PCNX4: variants seen among roughly 807,000 people sequenced by gnomAD.
The protein encoded by PCNX4 is pecanex-like protein 4.
Under a neutral mutation model 107.2 loss-of-function variants are expected in PCNX4, and 103 were observed. That is an observed-to-expected ratio of 0.96 (90% CI 0.82 to 1.13). The LOEUF is 1.13. Ranked by LOEUF, PCNX4 falls within the 50% of genes most tolerant of loss-of-function variation. PCNX4 has a pLI of 0.00. For missense variants in PCNX4, 1,528 were observed against 1,379.4 expected, an observed-to-expected ratio of 1.11 and a Z score of -1.71; for synonymous variants, 541 against 481.7, an observed-to-expected ratio of 1.12 and a Z score of -1.61.
rs745328975 is a variant in PCNX4, at chr14:60,134,217, A to G, written c.3515A>G (p.Tyr1172Cys). 21 of 1,612,658 alleles carry G rather than the reference A, an allele frequency of 1.3e-5. No homozygotes were observed. In the Admixed American group the frequency reaches 2.2e-4, roughly 17 times the overall value. ...TCAAAACCTCTCCACATACATTTGT[A>G]TTAGAGCTCATTTTGACTGTAATGT... ...YSSKPLHIHL[Y>C] Residue 1172 changes from tyrosine to cysteine, a missense_variant, in exon 11 of 11, where the codon TAT (tyrosine) becomes TGT (cysteine). Transcript: ENST00000406854.
In PCNX4 at chr14:60,114,694, A is replaced by G. The variant is rs527451069; in HGVS notation, c.690-6A>G. The G allele has an allele frequency of 1.3e-6, 2 of 1,587,772 alleles. No individual in the cohort carries two copies. The highest frequency in any genetic ancestry group is 3.6e-5 in the Admixed American group (2 of 56,022). ...TGTGATTTAAATGTTCTTTTTTTTT[A>G]TATAGGTTTGTGGTAAATATGCCAG... On this transcript the variant is annotated splice_polypyrimidine_tract_variant and splice_region_variant and intron_variant, in intron 2 of 10. Transcript: ENST00000406854.
At chr14:60,119,110 A>G (rs1895907133) in intron 7 of PCNX4, among the ~76,000 whole-genome samples, 1 of 152,194 alleles carries the variant, frequency 6.6e-6, no homozygotes, top group Admixed American at 6.5e-5. Context: ...CTTGAGGAGC[A>G]GATGGAGTTT....
rs973882744 is a variant in PCNX4, at chr14:60,139,020, A to T, written c.*4799A>T. 1 of 152,130 alleles carries T rather than the reference A, an allele frequency of 6.6e-6. No homozygotes were observed. The highest frequency in any genetic ancestry group is 2.4e-5 in the African/African-American group (1 of 41,454). The allele number at this position is 152,130 out of a possible 1,614,324, so 9.4% of individuals were successfully genotyped here. On this transcript the variant is annotated 3_prime_UTR_variant, in exon 11 of 11. Coordinates refer to ENST00000406854, the MANE Select transcript of PCNX4 (RefSeq NM_001330177.2). ...AAATAAAACAATCGTAGAACTACAA[A>T]GCTAATACAGGGCTAAAGTGGAATA...
intron 1 of PCNX4, among the ~76,000 whole-genome samples, chr14:60,098,813 C>T (rs1388677254): frequency 3.3e-5 from 5 of 151,970 alleles, no homozygotes; most frequent in African/African-American, 4.8e-5. Context: ...TGGTGCATGC[C>T]TGTAATCCCA....
At chr14:60,113,379 C>T (rs985269110) in intron 2 of PCNX4, among the ~76,000 whole-genome samples, 7 of 151,998 alleles carry the variant, frequency 4.6e-5, no homozygotes, top group African/African-American at 1.2e-4. Context: ...ACTACTACTA[C>T]TATTTTGAAA....
chr14:60,121,093 C>G (rs1371391416), intron 7 of PCNX4, 103 bp from the exon 8 acceptor site: 2 of 1,365,348 alleles, frequency 1.5e-6, no homozygotes, highest in Non-Finnish European at 9.7e-7. Context: ...AGTCGTGAAT[C>G]AGTTCTAGAT....
At chr14:60,108,520 T>TA in intron 2 of PCNX4, 193 bp downstream of exon 2, 1 of 442,022 alleles carries the variant, frequency 2.3e-6, no homozygotes, top group Non-Finnish European at 4.0e-6. Flanking sequence ...AGTTAAAACT[T>TA]ATTAAAGAGT....
intron 2 of PCNX4, among the ~76,000 whole-genome samples, chr14:60,112,909 C>A (rs542762219): frequency 6.6e-6 from 1 of 152,184 alleles, no homozygotes; most frequent in Non-Finnish European, 1.5e-5. Flanking sequence ...TTGGTCCAGG[C>A]GCGGTGGCTC....
At position 60,115,111 on chromosome 14, in the gene PCNX4, T is replaced by C. The variant is rs199803338; in HGVS notation, c.1007T>C (p.Ile336Thr). 2.6e-4 allele frequency: 426 copies of C among 1,613,832 alleles called. 1 individual carries two copies. Among genetic ancestry groups the C allele is most frequent in the Middle Eastern group, 3.3e-4 (2 of 6,082 alleles). Residue 336 changes from isoleucine (I) to threonine (T), a missense_variant, in exon 4 of 11, where the codon ATT becomes ACT. Coordinates refer to ENST00000406854, the MANE Select transcript of PCNX4 (RefSeq NM_001330177.2). ...AACTTAAGTGATATGGGTCACAAAATTGGAACCAAATCTAAGGATTTACCC... is the reference window on the plus strand; with the variant it reads ...AACTTAAGTGATATGGGTCACAAAACTGGAACCAAATCTAAGGATTTACCC... The part of the protein sequence containing the change: ...SLNLSDMGHK[I>T]GTKSKDLPSG...
Position 60,115,095 on chromosome 14 carries a change from G to A in PCNX4, c.991G>A (p.Asp331Asn), listed in dbSNP as rs1008314973. The change falls in exon 4 of 11, where the codon GAT becomes AAT. Residue 331 changes from aspartate (D) to asparagine (N), a missense_variant. Asp to Asn is a conservative substitution (Grantham distance 23). Coordinates refer to ENST00000406854, the MANE Select transcript of PCNX4 (RefSeq NM_001330177.2). ...FGFLLSLNLSDMGHKIGTKSK... is the reference protein window; with the variant it reads ...FGFLLSLNLSNMGHKIGTKSK... ...TTTCTTGCTGAGTCTGAACTTAAGTGATATGGGTCACAAAATTGGAACCAA... is the reference window on the plus strand; with the variant it reads ...TTTCTTGCTGAGTCTGAACTTAAGTAATATGGGTCACAAAATTGGAACCAA... The A allele has an allele frequency of 6.8e-6, 11 of 1,613,706 alleles. No homozygotes were observed. Among genetic ancestry groups the A allele is most frequent in the Non-Finnish European group, 8.5e-6 (10 of 1,179,876 alleles).
chr14:60,145,101 G>T lies in PCNX4; in HGVS notation c.*10880G>T. ...TTAAGTCCTTCTGTTTTGAGGAGCT[G>T]TATCATTATGATTCACTATTAAGAA... is the stretch of plus-strand genomic sequence containing the variant. On this transcript the variant is annotated 3_prime_UTR_variant, in exon 11 of 11. Transcript: ENST00000406854. The surrounding 1 kb of genome is among the most constrained non-coding windows in gnomAD (Gnocchi z 4.0). 4.7e-6 allele frequency: 4 copies of T among 856,176 alleles called. No individual in the cohort carries two copies. The South Asian group carries it at 8.1e-5, about 17-fold the overall frequency. The allele number at this position is 856,176 out of a possible 1,614,324, so 53.0% of individuals were successfully genotyped here.
At chr14:60,106,078 C>T (rs893294498) in intron 1 of PCNX4, among the ~76,000 whole-genome samples, 3 of 152,128 alleles carry the variant, frequency 2.0e-5, no homozygotes, top group Non-Finnish European at 2.9e-5. Context: ...CAAGCTCGTA[C>T]GGAGGGGAAG....
chr14:60,123,844 A>G (rs977271722), intron 8 of PCNX4, among the ~76,000 whole-genome samples: 5 of 152,136 alleles, frequency 3.3e-5, no homozygotes, highest in Non-Finnish European at 2.9e-5. Context: ...ACTACTGTAT[A>G]TACTGTATAA....
intron 1 of PCNX4, among the ~76,000 whole-genome samples, chr14:60,092,939 C>T (rs1049804977): frequency 6.6e-6 from 1 of 152,192 alleles, no homozygotes; most frequent in African/African-American, 2.4e-5. Flanking sequence ...TCATTTTTCA[C>T]TTACTCATTT....
At chr14:60,120,767 A>G (rs776703433) in intron 7 of PCNX4, among the ~76,000 whole-genome samples, 2 of 152,172 alleles carry the variant, frequency 1.3e-5, no homozygotes, top group Non-Finnish European at 2.9e-5. Flanking sequence ...TTTGTATGGT[A>G]TGTAGCATTT....
intron 1 of PCNX4, among the ~76,000 whole-genome samples, chr14:60,100,798 A>G (rs1427917508): frequency 1.3e-5 from 2 of 152,204 alleles, no homozygotes; most frequent in Non-Finnish European, 2.9e-5. Context: ...AACAAGGAAG[A>G]AAATAAAAAT....
rs961162217 is a variant in PCNX4 at position 60,118,881 on chromosome 14, T to G, written c.1942+189T>G. ...TCCTGCTCCTTGTTTTCATCTAAAT[T>G]AAGTTACAAAATAAAAATACTCAGG... On this transcript the variant is annotated intron_variant, in intron 7 of 10. Coordinates refer to ENST00000406854, the MANE Select transcript of PCNX4 (RefSeq NM_001330177.2). 9.8e-5 allele frequency among the ~76,000 whole-genome samples: 15 copies of G among 152,340 alleles called. 1 individual carries two copies. The highest frequency in any genetic ancestry group is 6.5e-4 in the Admixed American group (10 of 15,300).
Position 60,115,977 on chromosome 14 carries a change from G to T in PCNX4, c.1495G>T (p.Val499Phe). ...TACAGAAAATGCTTTATTGGAGACA[G>T]TCATTGTATCAACAGTACACTTGAT... ...QNTENALLET[V>F]IVSTVHLISS... Residue 499 changes from valine (V) to phenylalanine (F), a missense_variant, in exon 6 of 11, where the codon GTC becomes TTC. Transcript: ENST00000406854. 1 of 1,612,266 alleles carries T rather than the reference G, an allele frequency of 6.2e-7. No homozygotes were observed.
Position 60,115,058 on chromosome 14 carries a change from G to A in PCNX4, c.954G>A (p.Met318Ile). Residue 318 changes from methionine to isoleucine, a missense_variant, in exon 4 of 11, where the codon ATG becomes ATA. By Grantham distance (10) the Met-to-Ile change is conservative (BLOSUM62 1). Coordinates refer to ENST00000406854, the MANE Select transcript of PCNX4 (RefSeq NM_001330177.2). ...GCACTGTTGGTGTGGTTCTTTTCAT[G>A]ACTGGATTTGGTTTCTTGCTGAGTC... ...IPSTVGVVLF[M>I]TGFGFLLSLN... 1 of 1,613,386 alleles carries A rather than the reference G, an allele frequency of 6.2e-7. No homozygotes were observed. Among genetic ancestry groups the A allele is most frequent in the East Asian group, 2.2e-5 (1 of 44,864 alleles).
Sources: allele counts gnomAD v4.1 joint callset (sites outside exome capture counted in the v4.1 genomes callset), GRCh38; gene constraint gnomAD v4.1.1; non-coding constraint Gnocchi (gnomAD v3.1); transcripts MANE v1.5; gene names NCBI Gene and HGNC (gene_info 2026-07-23, HGNC 2026-07-21).